The following TENM3 variants were observed in gnomAD, a reference collection of about 807,000 sequenced individuals.
TENM3 encodes the protein teneurin transmembrane protein 3, also known as teneurin-3.
TENM3 carries 63 observed loss-of-function variants against 255.1 expected under a neutral mutation model. The ratio of observed to expected loss-of-function variants is 0.25; its 90% CI spans 0.20 to 0.30. The LOEUF is 0.30. Among genes scored for constraint, TENM3 ranks in the 10% least tolerant of loss-of-function variants. The pLI, the probability that TENM3 is intolerant of heterozygous loss-of-function variation, is 1.00. For synonymous variants in TENM3, 1,306 were observed against 1,322.3 expected (o/e 0.99, Z 0.27); for missense variants, 2,929 against 3,461.1 (o/e 0.85, Z 3.86).
chr4:182,337,669 A>C (rs190565386), intron 2 of TENM3, among the ~76,000 whole-genome samples: 2 of 152,218 alleles, frequency 1.3e-5, no homozygotes, highest in Admixed American at 1.3e-4. Context: ...CCAGCAATTC[A>C]TCTCCTTAGT....
chr4:182,447,312 T>C (rs554501507), intron 3 of TENM3, among the ~76,000 whole-genome samples: 7 of 151,502 alleles, frequency 4.6e-5, no homozygotes, highest in African/African-American at 7.3e-5. Flanking sequence ...GCTTAAACCC[T>C]GAGCGGCGTT....
the TENM3 span, among the ~76,000 whole-genome samples, chr4:181,587,516 T>A: frequency 6.6e-6 from 1 of 152,170 alleles, no homozygotes; most frequent in South Asian, 2.1e-4. Context: ...TATTTCAGCC[T>A]AAAACCCACG....
chr4:182,121,820 A>G, the TENM3 span, among the ~76,000 whole-genome samples: 1 of 152,316 alleles, frequency 6.6e-6, no homozygotes, highest in Non-Finnish European at 1.5e-5. Context: ...ATAAGACAAC[A>G]GTGAAGTTGC....
the TENM3 span, among the ~76,000 whole-genome samples, chr4:181,643,718 G>A: frequency 4.6e-5 from 7 of 152,100 alleles, no homozygotes; most frequent in Non-Finnish European, 7.4e-5. Flanking sequence ...GCTGAGCACC[G>A]CATAAGAGAA....
chr4:182,405,663 T>C (rs1319962416), intron 3 of TENM3, among the ~76,000 whole-genome samples: 1 of 152,222 alleles, frequency 6.6e-6, no homozygotes, highest in African/African-American at 2.4e-5. Flanking sequence ...GTCCCTGCTC[T>C]TCCTCTGTAA....
At chr4:181,496,646 G>A in the TENM3 span, among the ~76,000 whole-genome samples, 853 of 151,624 alleles carry the variant, frequency 5.6e-3, no homozygotes, top group African/African-American at 0.018. Flanking sequence ...CGTTAGCATC[G>A]ATTTACTATG....
chr4:181,547,417 T>G, the TENM3 span, among the ~76,000 whole-genome samples: 1 of 152,170 alleles, frequency 6.6e-6, no homozygotes, highest in South Asian at 2.1e-4. Flanking sequence ...GGATAATCTA[T>G]GTTATTTAGA....
chr4:182,214,883 G>A (rs1442472427), intron 1 of TENM3, among the ~76,000 whole-genome samples: 1 of 152,052 alleles, frequency 6.6e-6, no homozygotes, highest in Non-Finnish European at 1.5e-5. Flanking sequence ...GTAGATGAGG[G>A]TCAGAGACAT....
At chr4:181,915,880 C>T in the TENM3 span, among the ~76,000 whole-genome samples, 9 of 152,218 alleles carry the variant, frequency 5.9e-5, no homozygotes, top group South Asian at 2.1e-4. Flanking sequence ...TATTAAGATC[C>T]GTACCCAGCA....
the TENM3 span, among the ~76,000 whole-genome samples, chr4:181,921,284 G>A: frequency 2.0e-5 from 3 of 152,148 alleles, no homozygotes; most frequent in Admixed American, 6.6e-5. Flanking sequence ...GTCATTGGTA[G>A]CTTGATGGGG....
intron 1 of TENM3, among the ~76,000 whole-genome samples, chr4:182,310,190 C>T (rs576540923): frequency 0.24 from 36,759 of 151,914 alleles, 4,611 homozygotes; most frequent in Middle Eastern, 0.28. Flanking sequence ...CTTGTTATTT[C>T]AGAAGCATAT....
intron 3 of TENM3, among the ~76,000 whole-genome samples, chr4:182,535,201 A>T (rs1740180740): frequency 6.6e-6 from 1 of 152,178 alleles, no homozygotes; most frequent in Admixed American, 6.5e-5. Flanking sequence ...TTCAAATAGA[A>T]ATGTGTTCAT....
the TENM3 span, among the ~76,000 whole-genome samples, chr4:181,616,054 C>CA: frequency 6.6e-6 from 1 of 151,874 alleles, no homozygotes; most frequent in East Asian, 1.9e-4. Context: ...TGTTTCCCCC[C>CA]CACACTTTGG....
chr4:182,047,651 G>C, the TENM3 span, among the ~76,000 whole-genome samples: 1 of 150,992 alleles, frequency 6.6e-6, no homozygotes, highest in African/African-American at 2.4e-5. Flanking sequence ...GGAGCACAGA[G>C]ATGGCTTTGA....
At chr4:182,496,583 A>G (rs1735794695) in intron 3 of TENM3, among the ~76,000 whole-genome samples, 1 of 152,122 alleles carries the variant, frequency 6.6e-6, no homozygotes. Context: ...TGTTATAGTC[A>G]TTGTAAATTT....
chr4:182,559,178 C>G (rs1742892770), intron 3 of TENM3, among the ~76,000 whole-genome samples: 1 of 137,428 alleles, frequency 7.3e-6, no homozygotes, highest in Non-Finnish European at 1.5e-5. Context: ...TGTGTCCATC[C>G]AACCAAAATA....
the TENM3 span, among the ~76,000 whole-genome samples, chr4:181,934,082 G>T: frequency 1.3e-5 from 2 of 151,424 alleles, no homozygotes; most frequent in African/African-American, 4.9e-5. Context: ...GTGTGCGCGC[G>T]CTTTTAAATC....
chr4:181,551,882 GTGTGTGTATA>G, the TENM3 span, among the ~76,000 whole-genome samples: 1 of 47,162 alleles, frequency 2.1e-5, no homozygotes, highest in African/African-American at 8.2e-5. Context: ...GTGTGTGTGT[GTGTGTGTATA>G]TAAATTTTGC....
chr4:182,210,316 G>A (rs770962405), intron 1 of TENM3, among the ~76,000 whole-genome samples: 7 of 152,046 alleles, frequency 4.6e-5, no homozygotes, highest in Non-Finnish European at 8.8e-5. Context: ...GAAAACCAAA[G>A]TTTGTTCAAA....
Sources: gnomAD v4.1 joint callset for allele counts (sites outside exome capture counted in the v4.1 genomes callset) on GRCh38, gnomAD v4.1.1 for gene constraint, MANE v1.5 for transcripts, NCBI Gene and HGNC (gene_info 2026-07-23, HGNC 2026-07-21) for gene names.